The following PDIA6 variants were observed in gnomAD, a reference collection of about 807,000 sequenced individuals.
The protein encoded by PDIA6 is protein disulfide isomerase family A member 6, also known as protein disulfide-isomerase A6.
PDIA6 carries 29 observed loss-of-function variants against 58.4 expected under a neutral mutation model. That is an observed-to-expected ratio of 0.50 (90% CI 0.37 to 0.68). The LOEUF (loss-of-function observed/expected upper bound fraction) is 0.68, where lower values mean the gene tolerates loss of function less well. PDIA6 is among the 30% of genes least tolerant of loss of function. PDIA6 has a pLI of 0.00. For synonymous variants in PDIA6, 192 were observed against 202.6 expected (o/e 0.95, Z 0.44); for missense variants, 480 against 551.0 (o/e 0.87, Z 1.29).
chr2:10,817,277 G>T (rs1667226357), upstream of PDIA6, among the ~76,000 whole-genome samples: 1 of 152,218 alleles, frequency 6.6e-6, no homozygotes, highest in Non-Finnish European at 1.5e-5. Context: ...CACTTGCCCT[G>T]CCTCAGCAGC....
rs553346121 is a variant in PDIA6, at chr2:10,812,587, C to G, written c.19+91G>C. On this transcript the variant is annotated intron_variant, in intron 1 of 12. Coordinates refer to ENST00000272227, the MANE Select transcript of PDIA6 (RefSeq NM_005742.4). Reference sequence around the variant, plus strand: ...CGCCAGGCCCACTTCCGGCCGCCTGCGGCCGCGGCCCGCCGGGGAACGGCC... The same window carrying G: ...CGCCAGGCCCACTTCCGGCCGCCTGGGGCCGCGGCCCGCCGGGGAACGGCC... 6.3e-5 allele frequency: 82 copies of G among 1,306,476 alleles called. No homozygotes were observed. The South Asian group carries it at 1.2e-3, about 19-fold the overall frequency. 80.9% of individuals were successfully genotyped at this position (1,306,476 alleles called of 1,614,324 possible).
chr2:10,789,620 A>G (rs1665940685), intron 8 of PDIA6, 129 bp downstream of exon 8: 1 of 779,190 alleles, frequency 1.3e-6, no homozygotes, highest in Non-Finnish European at 2.0e-6. Flanking sequence ...TTTCCATTTC[A>G]AAGTATAGAA....
chr2:10,817,701 A>G (rs1667240901), upstream of PDIA6, among the ~76,000 whole-genome samples: 2 of 152,184 alleles, frequency 1.3e-5, no homozygotes, highest in South Asian at 4.1e-4. Flanking sequence ...CCCAGCTTCT[A>G]CCATGCAGAC....
In PDIA6 at chr2:10,784,183, G is replaced by A. The variant is rs1305499797; in HGVS notation, c.*75C>T. Reference sequence around the variant, plus strand: ...ACTGGTAGAGTCATCTGAGTGTAGAGAATGTCCCTTCACTGCTGGAAAAAT... The same window carrying A: ...ACTGGTAGAGTCATCTGAGTGTAGAAAATGTCCCTTCACTGCTGGAAAAAT... On this transcript the variant is annotated 3_prime_UTR_variant, in exon 13 of 13. Transcript: ENST00000272227. 25 of 1,117,536 alleles carry A rather than the reference G, an allele frequency of 2.2e-5. No homozygotes were observed. In the East Asian group the frequency reaches 5.9e-4, roughly 27 times the overall value. The allele number at this position is 1,117,536 out of a possible 1,614,324, so 69.2% of individuals were successfully genotyped here.
exon 1 of PDIA6, chr2:10,837,527 G>A (rs1386053433): frequency 1.7e-5 from 12 of 714,526 alleles, no homozygotes; most frequent in Non-Finnish European, 2.5e-5. Flanking sequence ...CACTTACCAC[G>A]ATCCGAGCGC....
chr2:10,812,672 A>T lies in PDIA6; in HGVS notation c.19+6T>A. The T allele has an allele frequency of 6.5e-7, 1 of 1,533,530 alleles. No homozygotes were observed. The allele number at this position is 1,533,530 out of a possible 1,614,324, so 95.0% of individuals were successfully genotyped here. A position where few individuals can be genotyped will look rare whatever the true frequency, so the allele number is the denominator to read the frequency against. On this transcript the variant is annotated splice_donor_region_variant and intron_variant, in intron 1 of 12. Coordinates refer to ENST00000272227, the MANE Select transcript of PDIA6 (RefSeq NM_005742.4). ...CGCCCGCCTCCCTCCGCTGGCCCGC[A>T]CCTACCGAGCACCAGGAGAGCCATG...
Position 10,820,366 on chromosome 2 carries a change from C to T in PDIA6, c.-47-1012G>A, listed in dbSNP as rs117739806. Reference sequence around the variant, plus strand: ...ATAAGGTGTACATTTCTGGCAACCCCCACCCCAGTATTTTATTACAGGTGT... The same window carrying T: ...ATAAGGTGTACATTTCTGGCAACCCTCACCCCAGTATTTTATTACAGGTGT... On this transcript the variant is annotated intron_variant, in intron 1 of 13. Transcript: ENST00000381611. 2.0e-4 allele frequency among the ~76,000 whole-genome samples: 31 copies of T among 152,220 alleles called. 1 individual carries two copies. The East Asian group carries it at 5.2e-3, about 26-fold the overall frequency.
At chr2:10,815,623 C>G (rs1446668483), upstream of PDIA6, 1 of 152,286 alleles carries the variant, frequency 6.6e-6, no homozygotes, top group Non-Finnish European at 1.5e-5. Context: ...CGGCTCACTG[C>G]AACCTCCACC....
upstream of PDIA6, chr2:10,812,946 A>C: frequency 9.6e-5 from 62 of 646,350 alleles, no homozygotes; most frequent in South Asian, 2.3e-4. Context: ...GTTTTTTTTC[A>C]CGGGGGCGGT....
At position 10,812,772 on chromosome 2, in the gene PDIA6, C is replaced by G; in HGVS notation, c.-76G>C. ...TGCAGCGTGCCGCACGCCGCGCCCC[C>G]GCGCCCACGTCCCGCCCCAGGCCAG... is the stretch of plus-strand genomic sequence containing the variant. On this transcript the variant is annotated 5_prime_UTR_variant, in exon 1 of 13. Transcript: ENST00000272227. The G allele has an allele frequency of 1.5e-6, 2 of 1,331,874 alleles. No homozygotes were observed. The highest frequency in any genetic ancestry group is 1.9e-6 in the Non-Finnish European group (2 of 1,041,310). 82.5% of individuals were successfully genotyped at this position (1,331,874 alleles called of 1,614,324 possible). A position where few individuals can be genotyped will look rare whatever the true frequency, so the allele number is the denominator to read the frequency against.
upstream of PDIA6, among the ~76,000 whole-genome samples, chr2:10,817,336 C>A (rs950259312): frequency 1.3e-5 from 2 of 152,128 alleles, no homozygotes; most frequent in African/African-American, 2.4e-5. Context: ...GGCTGCAAAC[C>A]CCCTGTGTCT....
chr2:10,803,449 G>T (rs906115536), intron 1 of PDIA6, among the ~76,000 whole-genome samples: 5 of 152,202 alleles, frequency 3.3e-5, no homozygotes, highest in African/African-American at 1.2e-4. Flanking sequence ...GAGCCATGGC[G>T]CCCAGCCAAT....
upstream of PDIA6, among the ~76,000 whole-genome samples, chr2:10,836,077 C>T (rs550033229): frequency 2.6e-5 from 4 of 152,140 alleles, no homozygotes; most frequent in African/African-American, 9.6e-5. Flanking sequence ...ACTTTCAGAC[C>T]GTGGAGTACC....
At position 10,832,466 on chromosome 2, in the gene PDIA6, T is replaced by G. The variant is rs1667735733; in HGVS notation, c.-312A>C. 1.9e-5 allele frequency: 19 copies of G among 985,170 alleles called. No homozygotes were observed. In the South Asian group the frequency reaches 8.9e-4, roughly 46 times the overall value. The allele number at this position is 985,170 out of a possible 1,614,324, so 61.0% of individuals were successfully genotyped here. On this transcript the variant is annotated 5_prime_UTR_variant, in exon 1 of 14. Transcript: ENST00000381611. ...AGCACGAGGCCAGGAGACCTAACCT[T>G]GCAGCGGGCACCCTCGGTTGAGTAG...
chr2:10,807,045 C>A (rs1286542343), intron 1 of PDIA6, among the ~76,000 whole-genome samples: 2 of 152,116 alleles, frequency 1.3e-5, no homozygotes, highest in Non-Finnish European at 2.9e-5. Context: ...TGAAGTTGAT[C>A]ATAATTCAGA....
chr2:10,796,275 G>C (rs1319404569), intron 4 of PDIA6, among the ~76,000 whole-genome samples: 1 of 151,980 alleles, frequency 6.6e-6, no homozygotes, highest in East Asian at 1.9e-4. Flanking sequence ...GGATGGTCTC[G>C]ATCTCCTGAC....
chr2:10,821,206 CT>C, intron 1 of PDIA6: 2 of 224,438 alleles, frequency 8.9e-6, no homozygotes, highest in East Asian at 1.2e-4. Context: ...TAATCATGGC[CT>C]CATCAGCTCT....
At chr2:10,828,379 C>T (rs1667614494) in intron 1 of PDIA6, among the ~76,000 whole-genome samples, 1 of 152,192 alleles carries the variant, frequency 6.6e-6, no homozygotes, top group Non-Finnish European at 1.5e-5. Flanking sequence ...AACAGGCTGC[C>T]GTTTGTCATT....
chr2:10,835,925 C>T (rs527912256), upstream of PDIA6, among the ~76,000 whole-genome samples: 28 of 152,240 alleles, frequency 1.8e-4, no homozygotes, highest in Non-Finnish European at 3.5e-4. Context: ...GTGGCGGGCG[C>T]CTGTAATCCC....
Sources: gnomAD v4.1 joint callset for allele counts (sites outside exome capture counted in the v4.1 genomes callset) on GRCh38, gnomAD v4.1.1 for gene constraint, MANE v1.5 for transcripts, NCBI Gene and HGNC (gene_info 2026-07-23, HGNC 2026-07-21) for gene names.